Variants in SLC12A1 observed in about 807,000 individuals in gnomAD.
The protein encoded by SLC12A1 is solute carrier family 12 member 1.
In SLC12A1, 89 loss-of-function variants were observed where a neutral mutation model predicts 130.4. The observed-to-expected ratio is 0.68, with a 90% CI of 0.58 to 0.81. The LOEUF is 0.81. SLC12A1 is among the 40% of genes least tolerant of loss of function. The probability of loss-of-function intolerance (pLI) is 0.00; values close to 1 mark genes in which losing one functional copy is unlikely to be tolerated. For missense variants in SLC12A1, 1,310 were observed against 1,336.4 expected (o/e 0.98, Z 0.31); for synonymous variants, 499 against 460.0 (o/e 1.08, Z -1.09).
At chr15:48,212,559 T>C (rs2041066085) in intron 2 of SLC12A1, among the ~76,000 whole-genome samples, 1 of 152,206 alleles carries the variant, frequency 6.6e-6, no homozygotes, top group African/African-American at 2.4e-5. Context: ...GCTTTCAGTA[T>C]CCAGCCTAAT....
rs558725531 is a variant in SLC12A1, at chr15:48,216,326, A to G, written c.421-4308A>G. Among the ~76,000 whole-genome samples, 8 of 152,174 alleles carry G rather than the reference A, an allele frequency of 5.3e-5. No individual in the cohort carries two copies. In the South Asian group the frequency reaches 1.7e-3, roughly 32 times the overall value. On this transcript the variant is annotated intron_variant, in intron 2 of 26. Transcript: ENST00000380993. ...CAGGAAGGGCATCCATCAGGAAGGA[A>G]AGTTCATTTTAGAGGAAATTTTAAA...
At chr15:48,257,643 C>T (rs963663099) in intron 16 of SLC12A1, among the ~76,000 whole-genome samples, 1 of 152,206 alleles carries the variant, frequency 6.6e-6, no homozygotes, top group Admixed American at 6.5e-5. Context: ...ACCTTGGCCC[C>T]TTTTAGCCAT....
At chr15:48,241,773 A>G (rs929914329) in intron 10 of SLC12A1, among the ~76,000 whole-genome samples, 174 bp downstream of exon 10, 10 of 152,190 alleles carry the variant, frequency 6.6e-5, no homozygotes, top group African/African-American at 2.4e-4. Flanking sequence ...TTTGAAGGCA[A>G]TTAAGCTGTA....
Position 48,259,394 on chromosome 15 carries a change from C to A in SLC12A1, c.2154+83C>A, listed in dbSNP as rs909075141. 3.2e-6 allele frequency: 3 copies of A among 941,420 alleles called. No homozygotes were observed. The African/African-American group carries it at 4.8e-5, about 15-fold the overall frequency. The allele number at this position is 941,420 out of a possible 1,614,324, so 58.3% of individuals were successfully genotyped here. ...TTTGGGTGAGGAGAAAAGGTACATG[C>A]AGTGACAGGAAAATAGCAAAAAAAC... is the stretch of plus-strand genomic sequence containing the variant. On this transcript the variant is annotated intron_variant, in intron 17 of 26. Coordinates refer to ENST00000380993, the MANE Select transcript of SLC12A1 (RefSeq NM_000338.3).
intron 22 of SLC12A1, 62 bp downstream of exon 22, chr15:48,288,236 A>G: frequency 6.7e-7 from 1 of 1,498,632 alleles, no homozygotes; most frequent in Non-Finnish European, 9.1e-7. Context: ...CTTAAACTGC[A>G]TGAGAAGGTA....
chr15:48,269,471 A>G (rs1401533382), intron 18 of SLC12A1, among the ~76,000 whole-genome samples, 187 bp from the exon 19 acceptor site: 2 of 152,216 alleles, frequency 1.3e-5, no homozygotes, highest in Non-Finnish European at 2.9e-5. Flanking sequence ...TATAGCTGGG[A>G]TGATTTAGAA....
At chr15:48,256,487 G>T (rs1204794544) in intron 16 of SLC12A1, among the ~76,000 whole-genome samples, 2 of 152,150 alleles carry the variant, frequency 1.3e-5, no homozygotes, top group Non-Finnish European at 2.9e-5. Flanking sequence ...ACCCAAGACT[G>T]GGTAATTTAT....
intron 4 of SLC12A1, chr15:48,221,573 A>AT: frequency 4.5e-6 from 2 of 442,158 alleles, no homozygotes; most frequent in Admixed American, 4.0e-5. Flanking sequence ...CATTACTGTT[A>AT]TTTTTTTCTA....
Position 48,231,358 on chromosome 15 carries a change from T to C in SLC12A1, c.975+855T>C, listed in dbSNP as rs564586122. Reference sequence around the variant, plus strand: ...AAGCAAGCAAATAAAGAAATAAATATAAAAAGAGAATTTGTGAAAATTAGT... The same window carrying C: ...AAGCAAGCAAATAAAGAAATAAATACAAAAAGAGAATTTGTGAAAATTAGT... On this transcript the variant is annotated intron_variant, in intron 7 of 26. Coordinates refer to ENST00000380993, the MANE Select transcript of SLC12A1 (RefSeq NM_000338.3). Among the ~76,000 whole-genome samples the C allele has an allele frequency of 3.2e-3, 491 of 152,198 alleles. 2 individuals are homozygous for C. Among genetic ancestry groups the C allele is most frequent in the South Asian group, 0.017 (84 of 4,814 alleles).
At chr15:48,243,039 G>A (rs2041535641) in intron 10 of SLC12A1, among the ~76,000 whole-genome samples, 1 of 152,008 alleles carries the variant, frequency 6.6e-6, no homozygotes, top group African/African-American at 2.4e-5. Context: ...TAAAGGGTGG[G>A]AAAATATACA....
In SLC12A1 at chr15:48,229,310, T is replaced by G. The variant is rs1292415584; in HGVS notation, c.846T>G (p.Thr282=). ...VAMYVVGFAE[T]VVDLLKESDS... ...TGTATGTGGTGGGATTTGCTGAGAC[T>G]GTAGTAGATCTTCTTAAGGTAATTA... Residue 282 remains threonine, a synonymous_variant, in exon 6 of 27, where the codon ACT becomes ACG. Coordinates refer to ENST00000380993, the MANE Select transcript of SLC12A1 (RefSeq NM_000338.3). 2 of 1,602,612 alleles carry G rather than the reference T, an allele frequency of 1.2e-6. No homozygotes were observed. Among genetic ancestry groups the G allele is most frequent in the Admixed American group, 1.7e-5 (1 of 58,196 alleles).
At chr15:48,292,728 GTC>G (rs113642957) in intron 24 of SLC12A1, among the ~76,000 whole-genome samples, 15 of 152,244 alleles carry the variant, frequency 9.9e-5, no homozygotes, top group African/African-American at 3.4e-4. Context: ...GAATTCTGCT[GTC>G]TCTTTCTCTT....
intron 2 of SLC12A1, among the ~76,000 whole-genome samples, chr15:48,220,131 G>GTA (rs1555464604): frequency 1.9e-5 from 2 of 105,738 alleles, no homozygotes; most frequent in African/African-American, 6.6e-5. Flanking sequence ...AAAAAAAAAG[G>GTA]TAGATAGATA....
chr15:48,262,209 T>C (rs2041782447), intron 17 of SLC12A1, among the ~76,000 whole-genome samples: 1 of 152,186 alleles, frequency 6.6e-6, no homozygotes, highest in African/African-American at 2.4e-5. Flanking sequence ...CAGTGAGATA[T>C]GTGCTTCCAC....
At chr15:48,270,420 A>AT (rs1383177511) in intron 19 of SLC12A1, among the ~76,000 whole-genome samples, 1 of 151,964 alleles carries the variant, frequency 6.6e-6, no homozygotes, top group East Asian at 1.9e-4. Context: ...AAGTACTAAT[A>AT]TTTTTTCCCA....
At chr15:48,288,553 G>C in intron 23 of SLC12A1, 37 bp downstream of exon 23, 1 of 967,272 alleles carries the variant, frequency 1.0e-6, no homozygotes, top group South Asian at 1.4e-5. Context: ...GGTCATTTCA[G>C]AGGTTTGTTG....
intron 2 of SLC12A1, among the ~76,000 whole-genome samples, chr15:48,210,070 GT>G: frequency 6.6e-6 from 1 of 152,240 alleles, no homozygotes; most frequent in Admixed American, 6.5e-5. Context: ...CGGTGTCACT[GT>G]CCTTTTCTGT....
intron 21 of SLC12A1, among the ~76,000 whole-genome samples, chr15:48,286,193 G>C (rs1415439660): frequency 6.6e-6 from 1 of 152,096 alleles, no homozygotes; most frequent in Non-Finnish European, 1.5e-5. Context: ...TATAGCCCAA[G>C]GACGAAATTT....
chr15:48,273,872 A>G (rs2041923031), intron 19 of SLC12A1, among the ~76,000 whole-genome samples: 1 of 152,220 alleles, frequency 6.6e-6, no homozygotes. Context: ...AAAAATTTAA[A>G]TGACTCAAAG....
Sources: allele counts gnomAD v4.1 joint callset (sites outside exome capture counted in the v4.1 genomes callset), GRCh38; gene constraint gnomAD v4.1.1; transcripts MANE v1.5; gene names NCBI Gene and HGNC (gene_info 2026-07-23, HGNC 2026-07-21).